Variants in GAS5 observed in about 807,000 individuals in gnomAD.
The protein encoded by GAS5 is growth arrest specific 5.
chr1:173,868,587 C>T (rs943602415), upstream of GAS5, among the ~76,000 whole-genome samples: 2 of 152,196 alleles, frequency 1.3e-5, no homozygotes, highest in Non-Finnish European at 2.9e-5. Flanking sequence ...GCTGATCTGC[C>T]GGACCCGCCC....
intron 3 of GAS5, chr1:173,866,241 A>T: frequency 2.1e-6 from 1 of 487,010 alleles, no homozygotes; most frequent in South Asian, 1.5e-5. Context: ...AGCAAAAAAT[A>T]TTTTAATGGT....
chr1:173,867,008 T>TC, exon 1 of GAS5: 1 of 765,098 alleles, frequency 1.3e-6, no homozygotes, highest in Non-Finnish European at 2.4e-6. Flanking sequence ...TAAGGTGCTA[T>TC]CCAGAGCCAC....
intron 4 of GAS5, chr1:173,865,934 T>C (rs1393110489): frequency 1.9e-6 from 1 of 519,128 alleles, no homozygotes; most frequent in Admixed American, 1.9e-5. Flanking sequence ...CACAGATGAG[T>C]GTTCACCCCC....
chr1:173,864,356 T>C (rs746792985), intron 6 of GAS5: 6 of 518,854 alleles, frequency 1.2e-5, no homozygotes, highest in South Asian at 8.4e-5. Context: ...TGTGTGATGC[T>C]TGTTAGTAGA....
intron 3 of GAS5, chr1:173,866,324 T>A (rs1262492960): frequency 3.8e-6 from 2 of 520,252 alleles, no homozygotes; most frequent in Non-Finnish European, 7.7e-6. Flanking sequence ...AGATAGTACA[T>A]CTCTTCATGA....
chr1:173,864,946 T>C (rs1386230690), intron 6 of GAS5: 1 of 514,650 alleles, frequency 1.9e-6, no homozygotes, highest in South Asian at 1.4e-5. Context: ...AGGCGGGGCA[T>C]GGTGGCTCAC....
intron 6 of GAS5, chr1:173,865,281 ACC>A (rs1245619117): frequency 1.2e-5 from 5 of 421,594 alleles, no homozygotes; most frequent in African/African-American, 1.0e-4. Context: ...GACTCTCCAT[ACC>A]TGTAGAAATT....
At chr1:173,867,900 CT>C, upstream of GAS5, 1 of 391,896 alleles carries the variant, frequency 2.6e-6, no homozygotes, top group South Asian at 1.8e-5. Context: ...TCAGGGTGAC[CT>C]TAGCAGACAA....
At chr1:173,864,274 G>A in exon 7 of GAS5, 1 of 512,812 alleles carries the variant, frequency 2.0e-6, no homozygotes, top group Non-Finnish European at 3.9e-6. Context: ...GCAGTAAGCT[G>A]CATGCTTGCT....
At chr1:173,866,211 A>C (rs948615821) in intron 3 of GAS5, 2 of 481,898 alleles carry the variant, frequency 4.2e-6, no homozygotes, top group Non-Finnish European at 8.4e-6. Context: ...TAATGCCTGT[A>C]ATTTTAATAC....
At chr1:173,868,422 G>C (rs998777839), upstream of GAS5, 1 of 153,316 alleles carries the variant, frequency 6.5e-6, no homozygotes, top group Non-Finnish European at 1.5e-5. Context: ...GCTGCTCCTT[G>C]ACTGGACTCG....
chr1:173,868,817 T>A (rs560653781), upstream of GAS5: 1 of 153,224 alleles, frequency 6.5e-6, no homozygotes, highest in African/African-American at 2.4e-5. Context: ...TCAGTGACAT[T>A]TTGCCCTTTA....
chr1:173,866,056 A>AT, intron 4 of GAS5: 1 of 519,150 alleles, frequency 1.9e-6, no homozygotes, highest in Non-Finnish European at 3.8e-6. Flanking sequence ...CTTATTAATC[A>AT]TAACAAGACA....
upstream of GAS5, chr1:173,869,040 A>G (rs1038284814): frequency 1.5e-4 from 23 of 152,600 alleles, no homozygotes; most frequent in African/African-American, 5.1e-4. Flanking sequence ...CAAAATAAAC[A>G]CATCTGAATT....
intron 6 of GAS5, chr1:173,864,390 C>T (rs762081589): frequency 3.5e-5 from 18 of 518,876 alleles, no homozygotes; most frequent in South Asian, 7.0e-5. Context: ...CAAAATGGAA[C>T]GGTTTTACAG....
intron 2 of GAS5, chr1:173,866,698 A>C: frequency 1.3e-6 from 1 of 765,372 alleles, no homozygotes; most frequent in Non-Finnish European, 2.4e-6. Flanking sequence ...TAGCAAATAA[A>C]CTGTCATCAT....
chr1:173,866,825 AGT>A (rs1654766061), intron 1 of GAS5: 2 of 765,422 alleles, frequency 2.6e-6, no homozygotes, highest in Non-Finnish European at 4.8e-6. Flanking sequence ...CAAGCAAAAC[AGT>A]GAGAATGAAC....
At chr1:173,864,076 C>G in intron 7 of GAS5, 1 of 474,378 alleles carries the variant, frequency 2.1e-6, no homozygotes, top group Non-Finnish European at 4.3e-6. Flanking sequence ...AGGCAAGACC[C>G]TGTCTCAAAA....
intron 7 of GAS5, chr1:173,864,092 GAC>G (rs1362700980): frequency 4.0e-6 from 2 of 496,542 alleles, no homozygotes; most frequent in African/African-American, 1.9e-5. Context: ...CAAAAAATAA[GAC>G]AAGACTTTTA....
Sources: gnomAD v4.1 joint callset for allele counts (sites outside exome capture counted in the v4.1 genomes callset) on GRCh38, gnomAD v4.1.1 for gene constraint, MANE v1.5 for transcripts, NCBI Gene and HGNC (gene_info 2026-07-23, HGNC 2026-07-21) for gene names.